The following TENM1 variants were observed in gnomAD, a reference collection of about 807,000 sequenced individuals.
TENM1 encodes the protein teneurin transmembrane protein 1.
A neutral mutation model predicts 174.8 loss-of-function variants in TENM1; 35 were observed. That is an observed-to-expected ratio of 0.20 (90% CI 0.15 to 0.27). The LOEUF is 0.27. Among genes scored for constraint, TENM1 ranks in the 10% least tolerant of loss-of-function variants. The probability of loss-of-function intolerance (pLI) is 1.00; values close to 1 mark genes in which losing one functional copy is unlikely to be tolerated. For synonymous variants in TENM1, 781 were observed against 798.7 expected, an observed-to-expected ratio of 0.98 and a Z score of 0.37; for missense variants, 1,633 against 2,130.1, an observed-to-expected ratio of 0.77 and a Z score of 4.59.
upstream of TENM1, among the ~76,000 whole-genome samples, chrX:124,966,781 C>T (rs1569491275): frequency 8.9e-6 from 1 of 111,889 alleles, no homozygotes; most frequent in Non-Finnish European, 1.9e-5. Flanking sequence ...TGCCATCTGT[C>T]TCTGCCCACT....
intron 15 of TENM1, among the ~76,000 whole-genome samples, chrX:124,544,154 T>C (rs2048381169): frequency 1.8e-5 from 2 of 112,820 alleles, no homozygotes; most frequent in African/African-American, 6.4e-5. Context: ...GTTCACCTGA[T>C]TATGGCACAT....
rs187801454 is a variant in TENM1, at chrX:124,832,021, A to G, written c.535+62275T>C. ...GTTTAGTTGCAGTGCATAATATACA[A>G]TGCAAGTTACTAGTATGAATTTTTA... On this transcript the variant is annotated intron_variant, in intron 3 of 31. Coordinates refer to ENST00000422452, the Ensembl canonical transcript of TENM1. Among the ~76,000 whole-genome samples the G allele has an allele frequency of 1.3e-4, 14 of 111,798 alleles. No homozygotes were observed. The East Asian group carries it at 3.9e-3, about 31-fold the overall frequency.
intron 1 of TENM1, among the ~76,000 whole-genome samples, chrX:124,903,174 C>A (rs1442814383): frequency 9.0e-6 from 1 of 111,521 alleles, no homozygotes; most frequent in East Asian, 2.8e-4. Flanking sequence ...TCAGGACCTA[C>A]TAATTATGCC....
chrX:124,835,739 T>A (rs1223844003), intron 3 of TENM1, among the ~76,000 whole-genome samples: 1 of 111,610 alleles, frequency 9.0e-6, no homozygotes, highest in Non-Finnish European at 1.9e-5. Flanking sequence ...CATAAATGAT[T>A]CAAGTTAATG....
chrX:125,145,659 G>C, the TENM1 span, among the ~76,000 whole-genome samples: 1 of 111,618 alleles, frequency 9.0e-6, no homozygotes, highest in Non-Finnish European at 1.9e-5. Context: ...TTTTATATTT[G>C]AATGCAAAAA....
chrX:125,070,702 A>C, the TENM1 span, among the ~76,000 whole-genome samples: 4 of 111,843 alleles, frequency 3.6e-5, no homozygotes, highest in Non-Finnish European at 7.5e-5. Context: ...AAATATCTAA[A>C]GGACTGTAAT....
chrX:124,692,613 C>T, intron 5 of TENM1, among the ~76,000 whole-genome samples: 1 of 108,856 alleles, frequency 9.2e-6, no homozygotes, highest in East Asian at 2.8e-4. Context: ...GTACAGTATT[C>T]TCTGAGTTCT....
In TENM1 at chrX:124,850,222, C is replaced by G. The variant is rs554929445; in HGVS notation, c.535+44074G>C. Among the ~76,000 whole-genome samples, 120 of 111,818 alleles carry G rather than the reference C, an allele frequency of 1.1e-3. 1 individual carries two copies. Among genetic ancestry groups the G allele is most frequent in the African/African-American group, 3.8e-3 (117 of 30,849 alleles). The stretch of plus-strand genomic sequence containing the variant: ...TAGATCTAATTCTACCTCTTTTCCC[C>G]CAAATCTGTTACATTTTCCAGCCCT... On this transcript the variant is annotated intron_variant, in intron 3 of 31. Transcript: ENST00000422452.
At chrX:124,698,031 T>G (rs182636673) in intron 5 of TENM1, among the ~76,000 whole-genome samples, 2 of 111,755 alleles carry the variant, frequency 1.8e-5, no homozygotes, top group African/African-American at 6.5e-5. Flanking sequence ...GACCTCACAT[T>G]GAGAACCACT....
At chrX:124,538,001 T>A (rs1370715192) in intron 15 of TENM1, among the ~76,000 whole-genome samples, 1 of 112,060 alleles carries the variant, frequency 8.9e-6, no homozygotes, top group Non-Finnish European at 1.9e-5. Flanking sequence ...TGAAGATCTG[T>A]GTTCTGATTT....
chrX:124,831,906 G>T (rs962519813), intron 3 of TENM1, among the ~76,000 whole-genome samples: 1 of 111,589 alleles, frequency 9.0e-6, no homozygotes. Context: ...ACTTTGTCAC[G>T]GGGCTCGCTT....
At chrX:124,460,870 G>A (rs1426760938) in intron 22 of TENM1, among the ~76,000 whole-genome samples, 2 of 111,475 alleles carry the variant, frequency 1.8e-5, no homozygotes, top group African/African-American at 6.5e-5. Context: ...GGTACAGACT[G>A]GCTTAAGAAG....
chrX:124,934,241 C>G (rs2058213743), intron 1 of TENM1, among the ~76,000 whole-genome samples: 1 of 112,040 alleles, frequency 8.9e-6, no homozygotes, highest in Non-Finnish European at 1.9e-5. Flanking sequence ...TAAAGCATTT[C>G]CATTTTGTTT....
intron 29 of TENM1, 81 bp downstream of exon 32, chrX:124,385,587 TTAATGCTTC>T: frequency 1.1e-6 from 1 of 903,603 alleles, no homozygotes; most frequent in Non-Finnish European, 1.5e-6. Context: ...TGTGTGTAGA[TTAATGCTTC>T]TATCTCACAC....
the TENM1 span, among the ~76,000 whole-genome samples, chrX:125,194,129 C>G: frequency 1.8e-5 from 2 of 111,071 alleles, no homozygotes; most frequent in Non-Finnish European, 3.8e-5. Flanking sequence ...ATCTGGATAT[C>G]TAGCTGGTGT....
At chrX:124,840,521 G>A (rs2147359142) in intron 3 of TENM1, among the ~76,000 whole-genome samples, 1 of 111,440 alleles carries the variant, frequency 9.0e-6, no homozygotes, top group African/African-American at 3.3e-5. Flanking sequence ...TACATATTGT[G>A]TTAGATGGTT....
At chrX:124,430,566 G>A (rs776081207) in intron 23 of TENM1, among the ~76,000 whole-genome samples, 1 of 112,254 alleles carries the variant, frequency 8.9e-6, no homozygotes, top group South Asian at 3.7e-4. Flanking sequence ...GCTTTGTAGA[G>A]GCTAGCTATT....
chrX:124,694,633 C>A (rs2052606768), intron 5 of TENM1, among the ~76,000 whole-genome samples: 1 of 111,925 alleles, frequency 8.9e-6, no homozygotes, highest in East Asian at 2.8e-4. Context: ...ACACACATAC[C>A]TGAACATTGT....
At chrX:124,421,360 T>G (rs1199539016) in intron 24 of TENM1, among the ~76,000 whole-genome samples, 1 of 112,332 alleles carries the variant, frequency 8.9e-6, no homozygotes, top group Non-Finnish European at 1.9e-5. Context: ...TAGCAAAATA[T>G]CTATAAAACT....
Sources: allele counts gnomAD v4.1 joint callset (sites outside exome capture counted in the v4.1 genomes callset), GRCh38; gene constraint gnomAD v4.1.1; transcripts MANE v1.5; gene names NCBI Gene and HGNC (gene_info 2026-07-23, HGNC 2026-07-21).